The following PPP4R3B variants were observed in gnomAD, a reference collection of about 807,000 sequenced individuals.
PPP4R3B encodes serine/threonine-protein phosphatase 4 regulatory subunit 3B.
In PPP4R3B, 52 loss-of-function variants were observed where a neutral mutation model predicts 95.4. The observed-to-expected ratio is 0.54, with a 90% CI of 0.44 to 0.69. The LOEUF is 0.69. Ranked by LOEUF, PPP4R3B falls within the 30% of genes least tolerant of loss-of-function variation. PPP4R3B has a pLI of 0.00. For missense variants in PPP4R3B, 1,003 were observed against 1,005.9 expected, an observed-to-expected ratio of 1.00 and a Z score of 0.04; for synonymous variants, 407 against 343.9, an observed-to-expected ratio of 1.18 and a Z score of -2.03.
Position 55,617,293 on chromosome 2 carries a change from G to A in PPP4R3B, c.-8C>T, listed in dbSNP as rs547924089. ...CCGCCGCGTATCCGACATGGTGGCTGCTGTCTCCACCGCTCTAGCCGCCGC... is the reference window on the plus strand; with the variant it reads ...CCGCCGCGTATCCGACATGGTGGCTACTGTCTCCACCGCTCTAGCCGCCGC... On this transcript the variant is annotated 5_prime_UTR_variant, in exon 1 of 17. Transcript: ENST00000616407. The A allele has an allele frequency of 1.3e-5, 21 of 1,589,882 alleles. No homozygotes were observed. The highest frequency in any genetic ancestry group is 2.2e-5 in the South Asian group (2 of 89,430).
chr2:55,551,548 G>A (rs186428188), intron 16 of PPP4R3B, among the ~76,000 whole-genome samples: 63 of 151,870 alleles, frequency 4.1e-4, no homozygotes, highest in Middle Eastern at 6.8e-3. Flanking sequence ...GTCAGGAGTT[G>A]GAGTCCAGCC....
At chr2:55,582,747 G>C (rs1169832931) in intron 7 of PPP4R3B, among the ~76,000 whole-genome samples, 1 of 151,878 alleles carries the variant, frequency 6.6e-6, no homozygotes, top group East Asian at 1.9e-4. Flanking sequence ...TAAAATATAA[G>C]GATTCTTTTA....
Position 55,615,513 on chromosome 2 carries a change from G to A in PPP4R3B, c.143-7C>T, listed in dbSNP as rs372018205. ...GATTCCAAGAGTAGTGATCCTGAAA[G>A]ATAAAAAATAATACATCATAAGTCT... is the stretch of plus-strand genomic sequence containing the variant. On this transcript the variant is annotated splice_region_variant and splice_polypyrimidine_tract_variant and intron_variant, in intron 1 of 16. Transcript: ENST00000616407. 5.8e-6 allele frequency: 9 copies of A among 1,563,148 alleles called. No homozygotes were observed. The highest frequency in any genetic ancestry group is 4.5e-5 in the East Asian group (2 of 44,252).
chr2:55,615,298 G>T, intron 2 of PPP4R3B, 153 bp downstream of exon 2: 2 of 635,824 alleles, frequency 3.1e-6, no homozygotes, highest in Non-Finnish European at 5.3e-6. Context: ...CTTTTTTTCA[G>T]TCTGAAACTT....
chr2:55,556,097 T>C (rs72803534), intron 16 of PPP4R3B, among the ~76,000 whole-genome samples: 5,529 of 152,316 alleles, frequency 0.036, 145 homozygotes, highest in South Asian at 0.09. Flanking sequence ...CAAAGGGCAA[T>C]TGGTGATAAA....
At chr2:55,574,368 C>T (rs1344208680) in intron 11 of PPP4R3B, among the ~76,000 whole-genome samples, 1 of 150,972 alleles carries the variant, frequency 6.6e-6, no homozygotes, top group African/African-American at 2.4e-5. Flanking sequence ...GATAATAATA[C>T]CTTGATGGCA....
chr2:55,569,763 T>C lies in PPP4R3B; in HGVS notation c.1766-1400A>G, dbSNP rs368882973. On this transcript the variant is annotated intron_variant, in intron 12 of 16. Coordinates refer to ENST00000616407, the MANE Select transcript of PPP4R3B (RefSeq NM_001122964.3). ...GCCACTACCGGTCTCCGCGTCTTGG[T>C]GGTAGTGGTCCCCCGGGCCCAGCTG... Among the ~76,000 whole-genome samples, 91 of 152,214 alleles carry C rather than the reference T, an allele frequency of 6.0e-4. 1 individual carries two copies. The highest frequency in any genetic ancestry group is 2.0e-3 in the African/African-American group (84 of 41,532).
At chr2:55,615,701 A>C (rs1694797798) in intron 1 of PPP4R3B, among the ~76,000 whole-genome samples, 195 bp from the exon 2 acceptor site, 1 of 151,682 alleles carries the variant, frequency 6.6e-6, no homozygotes, top group African/African-American at 2.4e-5. Flanking sequence ...AAAATACAAA[A>C]ATTAGCTGGG....
chr2:55,558,879 T>G lies in PPP4R3B; in HGVS notation c.2350A>C (p.Asn784His). Residue 784 changes from asparagine to histidine, a missense_variant, in exon 16 of 17, where the codon AAT becomes CAT. By Grantham distance (68) the Asn-to-His change is moderately conservative. This residue lies in a region of PPP4R3B where 229 missense variants were observed against 194.7 expected (regional missense o/e 1.18). Transcript: ENST00000616407. ...ACTACAGATTTACTGTTTGTTCCAT[T>G]AGCAGCACTGGCAGAGTGGGAGAAA... ...FTFSHSASAA[N>H]GTNSKSVVAQ... 6.2e-7 allele frequency: 1 copy of G among 1,614,128 alleles called. No homozygotes were observed. Among genetic ancestry groups the G allele is most frequent in the South Asian group, 1.1e-5 (1 of 91,084 alleles).
chr2:55,614,427 G>A (rs986704274), intron 2 of PPP4R3B: 1 of 152,164 alleles, frequency 6.6e-6, no homozygotes, highest in East Asian at 1.9e-4. Context: ...AAGAAAACTA[G>A]ATCTACATTG....
chr2:55,581,667 T>C lies in PPP4R3B; in HGVS notation c.1265A>G (p.Gln422Arg). 2 of 1,613,460 alleles carry C rather than the reference T, an allele frequency of 1.2e-6. No homozygotes were observed. Among genetic ancestry groups the C allele is most frequent in the Non-Finnish European group, 1.7e-6 (2 of 1,179,738 alleles). Residue 422 changes from glutamine (Q) to arginine (R), a missense_variant, in exon 8 of 17, where the codon CAA becomes CGA. Around this residue, in one of 3 missense-constraint regions of PPP4R3B, gnomAD observed 695 missense variants for 686.2 expected, o/e 1.01. Coordinates refer to ENST00000616407, the MANE Select transcript of PPP4R3B (RefSeq NM_001122964.3). ...DILLINVVIEQMICDTDPELG... is the reference protein window; with the variant it reads ...DILLINVVIERMICDTDPELG... ...CTCAGGATCAGTATCACAGATCATTTGTTCAATTACCACATTAATAAGAAG... is the reference window on the plus strand; with the variant it reads ...CTCAGGATCAGTATCACAGATCATTCGTTCAATTACCACATTAATAAGAAG...
In PPP4R3B at chr2:55,586,633, A is replaced by G. The variant is rs1271849472; in HGVS notation, c.1101T>C (p.Ala367=). ...KTLAKLGILP[A]LEIVMGMDDL... is the part of the protein sequence containing the mutation. ...GCATAATTACCATTACAATTTCAAG[A>G]GCAGGAAGAATTCCCAATTTTGCCA... The change falls in exon 6 of 17, where the codon GCT becomes GCC. Residue 367 remains alanine, a synonymous_variant. Transcript: ENST00000616407. 1 of 1,599,426 alleles carries G rather than the reference A, an allele frequency of 6.3e-7. No individual in the cohort carries two copies. Among genetic ancestry groups the G allele is most frequent in the African/African-American group, 1.3e-5 (1 of 74,636 alleles).
At chr2:55,576,307 C>T (rs1213659070) in intron 11 of PPP4R3B, among the ~76,000 whole-genome samples, 1 of 152,142 alleles carries the variant, frequency 6.6e-6, no homozygotes, top group African/African-American at 2.4e-5. Flanking sequence ...GAAATTGTGC[C>T]ACTGCACTCT....
At chr2:55,600,410 G>A (rs1351129247) in intron 3 of PPP4R3B, among the ~76,000 whole-genome samples, 1 of 97,206 alleles carries the variant, frequency 1.0e-5, no homozygotes, top group African/African-American at 3.9e-5. Flanking sequence ...TGGGCAACGA[G>A]AGTGAAACTC....
chr2:55,612,079 T>G (rs1421449336), intron 2 of PPP4R3B, among the ~76,000 whole-genome samples: 1 of 152,108 alleles, frequency 6.6e-6, no homozygotes. Flanking sequence ...AACATCTCAT[T>G]CACTTACTCA....
chr2:55,606,911 T>G (rs977424463), intron 2 of PPP4R3B, among the ~76,000 whole-genome samples: 1 of 151,912 alleles, frequency 6.6e-6, no homozygotes, highest in African/African-American at 2.4e-5. Flanking sequence ...ATCTATTACA[T>G]CATTGTTTCT....
intron 15 of PPP4R3B, among the ~76,000 whole-genome samples, chr2:55,562,986 G>C (rs1686817241): frequency 6.6e-6 from 1 of 152,144 alleles, no homozygotes; most frequent in Non-Finnish European, 1.5e-5. Flanking sequence ...TTATGACATA[G>C]GTGTCCAATC....
intron 4 of PPP4R3B, among the ~76,000 whole-genome samples, chr2:55,597,752 G>A (rs1052277053): frequency 5.3e-5 from 8 of 152,110 alleles, no homozygotes; most frequent in Admixed American, 2.0e-4. Context: ...GGCGAGCTGA[G>A]ATCATGCCAT....
intron 2 of PPP4R3B, chr2:55,615,137 T>C (rs975414793): frequency 4.5e-6 from 1 of 220,844 alleles, no homozygotes. Flanking sequence ...TTCTATGTCA[T>C]TTCCTTTAAA....
Sources: gnomAD v4.1 joint callset for allele counts (sites outside exome capture counted in the v4.1 genomes callset) on GRCh38, gnomAD v4.1.1 for gene constraint, gnomAD v4.1.1 regional missense constraint, MANE v1.5 for transcripts, NCBI Gene and HGNC (gene_info 2026-07-23, HGNC 2026-07-21) for gene names.